Variants in VOPP1 observed in about 807,000 individuals in gnomAD.
The protein encoded by VOPP1 is VOPP1 WW domain binding protein, also known as WW domain binding protein VOPP1.
Under a neutral mutation model 23.5 loss-of-function variants are expected in VOPP1, and 8 were observed. The ratio of observed to expected loss-of-function variants is 0.34; its 90% CI spans 0.20 to 0.61. The LOEUF (loss-of-function observed/expected upper bound fraction) is 0.61. VOPP1 is among the 20% of genes least tolerant of loss of function. VOPP1 has a pLI of 0.78. For synonymous variants in VOPP1, 83 were observed against 97.3 expected (o/e 0.85, Z 0.86); for missense variants, 174 against 238.1 (o/e 0.73, Z 1.77).
chr7:55,536,254 C>A (rs907615928), intron 1 of VOPP1, among the ~76,000 whole-genome samples: 3 of 152,204 alleles, frequency 2.0e-5, no homozygotes, highest in Non-Finnish European at 2.9e-5. Context: ...CAAGGCCGGG[C>A]GTGGTGGCTC....
chr7:55,459,717 CTTCT>C (rs1311085188), intron 4 of VOPP1, among the ~76,000 whole-genome samples: 2 of 151,844 alleles, frequency 1.3e-5, no homozygotes, highest in South Asian at 2.1e-4. Context: ...GTTATAATAT[CTTCT>C]TTCTCATTTC....
intron 4 of VOPP1, among the ~76,000 whole-genome samples, chr7:55,475,546 C>A (rs146743650): frequency 1.3e-5 from 2 of 152,274 alleles, no homozygotes; most frequent in Non-Finnish European, 2.9e-5. Context: ...TGACAAGGAG[C>A]GACAGGCCCA....
intron 4 of VOPP1, among the ~76,000 whole-genome samples, chr7:55,439,607 C>G (rs1030338371): frequency 3.9e-5 from 6 of 152,208 alleles, no homozygotes; most frequent in Non-Finnish European, 8.8e-5. Context: ...AGTGACGTCT[C>G]CAAGGAGGCA....
At chr7:55,515,885 G>T (rs1490657667) in intron 2 of VOPP1, 2 of 789,706 alleles carry the variant, frequency 2.5e-6, no homozygotes, top group Non-Finnish European at 3.1e-6. Flanking sequence ...AGGGAAGTGT[G>T]CTGTTTGCTG....
At chr7:55,556,645 C>G (rs1207914181) in intron 1 of VOPP1, among the ~76,000 whole-genome samples, 1 of 151,112 alleles carries the variant, frequency 6.6e-6, no homozygotes, top group Non-Finnish European at 1.5e-5. Context: ...AACCCCCCCC[C>G]AAAACACTTC....
At chr7:55,498,500 G>A (rs990401756) in intron 2 of VOPP1, among the ~76,000 whole-genome samples, 2 of 152,082 alleles carry the variant, frequency 1.3e-5, no homozygotes, top group African/African-American at 4.8e-5. Context: ...CCAACCCCAC[G>A]TCCTCCTTGA....
intron 4 of VOPP1, among the ~76,000 whole-genome samples, chr7:55,478,961 G>A (rs1792482962): frequency 1.3e-5 from 2 of 152,124 alleles, no homozygotes; most frequent in South Asian, 4.1e-4. Flanking sequence ...AGCTGAGGGG[G>A]GCAGCAGGGG....
At chr7:55,562,231 T>C (rs767516186) in intron 1 of VOPP1, among the ~76,000 whole-genome samples, 1 of 152,204 alleles carries the variant, frequency 6.6e-6, no homozygotes, top group Non-Finnish European at 1.5e-5. Context: ...TCAACCTCCA[T>C]GGGTCTGCTT....
At chr7:55,435,030 G>T (rs780842847), downstream of VOPP1, among the ~76,000 whole-genome samples, 2 of 152,182 alleles carry the variant, frequency 1.3e-5, no homozygotes, top group Admixed American at 6.5e-5. Context: ...TAAAGTCCAG[G>T]TTCCCTAAGA....
Position 55,521,059 on chromosome 7 carries a change from T to C in VOPP1, c.113+13A>G. On this transcript the variant is annotated intron_variant, in intron 2 of 4. Transcript: ENST00000285279. The stretch of plus-strand genomic sequence containing the variant: ...GCCACAGAATGAAACCACAGAAAGG[T>C]GCAAATACTTACATATAATAGGTTG... The C allele has an allele frequency of 6.4e-7, 1 of 1,566,828 alleles. No homozygotes were observed. Among genetic ancestry groups the C allele is most frequent in the South Asian group, 1.2e-5 (1 of 84,934 alleles).
chr7:55,459,775 C>T (rs1337165462), intron 4 of VOPP1, among the ~76,000 whole-genome samples: 2 of 151,812 alleles, frequency 1.3e-5, no homozygotes, highest in Non-Finnish European at 2.9e-5. Flanking sequence ...GTTAGTCTAG[C>T]TAGGAGGTTT....
intron 1 of VOPP1, among the ~76,000 whole-genome samples, chr7:55,531,324 T>G (rs957738975): frequency 1.3e-5 from 2 of 151,552 alleles, no homozygotes; most frequent in Non-Finnish European, 2.9e-5. Flanking sequence ...AACCTTTGAA[T>G]GCTCTCCTTA....
chr7:55,540,739 C>A (rs1213230834), intron 1 of VOPP1, among the ~76,000 whole-genome samples: 1 of 152,228 alleles, frequency 6.6e-6, no homozygotes, highest in Non-Finnish European at 1.5e-5. Context: ...GTCTTCACCT[C>A]CGCTGCGGCC....
chr7:55,517,105 AATAT>A, intron 2 of VOPP1, among the ~76,000 whole-genome samples: 1 of 149,894 alleles, frequency 6.7e-6, no homozygotes, highest in East Asian at 2.0e-4. Context: ...ATGTCCAGCT[AATAT>A]ATATATATTT....
In VOPP1 at chr7:55,538,744, A is replaced by T. The variant is rs1796957347; in HGVS notation, c.55-17614T>A. 9.3e-6 allele frequency: 12 copies of T among 1,295,780 alleles called. No individual in the cohort carries two copies. In the South Asian group the frequency reaches 1.4e-4, roughly 16 times the overall value. 80.3% of individuals were successfully genotyped at this position (1,295,780 alleles called of 1,614,324 possible). On this transcript the variant is annotated intron_variant, in intron 1 of 4. Coordinates refer to ENST00000285279, the MANE Select transcript of VOPP1 (RefSeq NM_030796.5). ...AAATGAGTCATGGCCATTCCTATAAAGGAACGCTTTCTAAGGGGAATGCTG... is the reference window on the plus strand; with the variant it reads ...AAATGAGTCATGGCCATTCCTATAATGGAACGCTTTCTAAGGGGAATGCTG...
At chr7:55,436,629 T>C (rs575826283) in intron 4 of VOPP1, among the ~76,000 whole-genome samples, 268 of 139,150 alleles carry the variant, frequency 1.9e-3, no homozygotes, top group African/African-American at 6.8e-3. Flanking sequence ...TGTGTGTGTG[T>C]GCGTGTGTGT....
At chr7:55,570,200 G>GA (rs1453200680) in intron 1 of VOPP1, among the ~76,000 whole-genome samples, 1 of 152,130 alleles carries the variant, frequency 6.6e-6, no homozygotes, top group Non-Finnish European at 1.5e-5. Context: ...CACCAGAGAT[G>GA]AAAAAATCTC....
In VOPP1 at chr7:55,530,608, T is replaced by A. The variant is rs1562960446; in HGVS notation, c.55-9478A>T. Among the ~76,000 whole-genome samples the A allele has an allele frequency of 2.6e-5, 4 of 152,312 alleles. 1 individual carries two copies. In the Middle Eastern group the frequency reaches 0.01, roughly 389 times the overall value. On this transcript the variant is annotated intron_variant, in intron 1 of 4. Transcript: ENST00000285279. ...AGTCTGTGTGCTTTCTGTGGCAATGTCTACAAGCTGAAGTTTTCTGTGTCA... is the reference window on the plus strand; with the variant it reads ...AGTCTGTGTGCTTTCTGTGGCAATGACTACAAGCTGAAGTTTTCTGTGTCA...
At chr7:55,522,616 G>A (rs1376540036) in intron 1 of VOPP1, among the ~76,000 whole-genome samples, 1 of 152,084 alleles carries the variant, frequency 6.6e-6, no homozygotes, top group Non-Finnish European at 1.5e-5. Context: ...GCCACCGACA[G>A]CCAAACATTC....
Sources: gnomAD v4.1 joint callset for allele counts (sites outside exome capture counted in the v4.1 genomes callset) on GRCh38, gnomAD v4.1.1 for gene constraint, MANE v1.5 for transcripts, NCBI Gene and HGNC (gene_info 2026-07-23, HGNC 2026-07-21) for gene names.